MMADHC: variants seen among roughly 807,000 people sequenced by gnomAD.
MMADHC encodes metabolism of cobalamin associated D.
A neutral mutation model predicts 36.3 loss-of-function variants in MMADHC; 23 were observed. The ratio of observed to expected loss-of-function variants is 0.63; its 90% CI spans 0.46 to 0.90. MMADHC has a LOEUF of 0.90. MMADHC is among the 40% of genes least tolerant of loss of function. MMADHC has a pLI of 0.00. For missense variants in MMADHC, 330 were observed against 348.0 expected (o/e 0.95, Z 0.41); for synonymous variants, 97 against 116.1 (o/e 0.84, Z 1.06).
chr2:149,586,003 T>C, intron 2 of MMADHC, among the ~76,000 whole-genome samples: 1 of 152,242 alleles, frequency 6.6e-6, no homozygotes, highest in Non-Finnish European at 1.5e-5. Context: ...ATACTTCTTT[T>C]ACAGCATTCT....
intron 4 of MMADHC, among the ~76,000 whole-genome samples, 160 bp from the exon 5 acceptor site, chr2:149,576,702 A>G (rs1682724220): frequency 6.6e-6 from 1 of 152,238 alleles, no homozygotes; most frequent in Non-Finnish European, 1.5e-5. Flanking sequence ...TCATTTACTC[A>G]AACTTTTCTC....
intron 6 of MMADHC, among the ~76,000 whole-genome samples, chr2:149,574,958 C>A (rs1682692269): frequency 6.6e-6 from 1 of 152,088 alleles, no homozygotes; most frequent in Non-Finnish European, 1.5e-5. Flanking sequence ...CACCACTAAA[C>A]CTGGATAATT....
intron 7 of MMADHC, among the ~76,000 whole-genome samples, 173 bp from the exon 8 acceptor site, chr2:149,570,341 T>C (rs750855406): frequency 6.6e-6 from 1 of 152,228 alleles, no homozygotes; most frequent in Non-Finnish European, 1.5e-5. Flanking sequence ...CTCCAATTCC[T>C]ATGCATTCTG....
At chr2:149,580,544 TACTC>T (rs982587706) in intron 3 of MMADHC, among the ~76,000 whole-genome samples, 4 of 152,174 alleles carry the variant, frequency 2.6e-5, no homozygotes, top group Non-Finnish European at 5.9e-5. Flanking sequence ...AACTAATAAT[TACTC>T]AGAGTAGAGA....
intron 3 of MMADHC, among the ~76,000 whole-genome samples, chr2:149,581,117 T>C (rs955285818): frequency 3.9e-5 from 6 of 152,184 alleles, no homozygotes; most frequent in Non-Finnish European, 5.9e-5. Context: ...ATTTGGGCAG[T>C]GGATTTGACC....
At chr2:149,572,200 G>A (rs757694327) in intron 6 of MMADHC, 2 of 426,958 alleles carry the variant, frequency 4.7e-6, no homozygotes, top group Admixed American at 2.7e-5. Context: ...AAGAGATCAT[G>A]AATGTTTAAA....
In MMADHC at chr2:149,584,550, A is replaced by C. The variant is rs1375433747; in HGVS notation, c.10-2279T>G. ...TTAGCCTGTCTATCAAGGCCATTAGATTATATTTTGACATTCTTTTCTTGG... is the reference window on the plus strand; with the variant it reads ...TTAGCCTGTCTATCAAGGCCATTAGCTTATATTTTGACATTCTTTTCTTGG... On this transcript the variant is annotated intron_variant, in intron 2 of 7. Coordinates refer to ENST00000303319, the MANE Select transcript of MMADHC (RefSeq NM_015702.3). Among the ~76,000 whole-genome samples the C allele has an allele frequency of 2.0e-5, 3 of 152,206 alleles. 1 individual carries two copies. The highest frequency in any genetic ancestry group is 6.3e-3 in the Middle Eastern group (2 of 316).
intron 1 of MMADHC, 161 bp from the exon 2 acceptor site, chr2:149,587,310 G>A (rs1315619590): frequency 3.3e-6 from 2 of 611,582 alleles, no homozygotes; most frequent in Non-Finnish European, 5.8e-6. Context: ...CCCCATGCCA[G>A]GCACAGATCC....
chr2:149,571,045 C>G (rs1682630813), intron 7 of MMADHC, 40 bp downstream of exon 7: 1 of 1,400,304 alleles, frequency 7.1e-7, no homozygotes. Context: ...AAAATCATCT[C>G]TACTTCATAT....
At chr2:149,573,255 A>AAC (rs1439248169) in intron 6 of MMADHC, among the ~76,000 whole-genome samples, 4 of 152,178 alleles carry the variant, frequency 2.6e-5, no homozygotes, top group African/African-American at 9.7e-5. Context: ...CAAACAAACA[A>AAC]ACAAACAAAC....
rs760971849 is a variant in MMADHC at position 149,576,542 on chromosome 2, C to T, written c.373G>A (p.Gly125Ser). 1 of 1,601,822 alleles carries T rather than the reference C, an allele frequency of 6.2e-7. No homozygotes were observed. Among genetic ancestry groups the T allele is most frequent in the Non-Finnish European group, 8.6e-7 (1 of 1,169,006 alleles). ...TCTTGTTCAACAGGTGCATCATTAC[C>T]CTAAGGGGAACAAGGATATAAGTCA... ...VMAQYVNEFQ[G>S]NDAPVEQEIN... is the part of the protein sequence containing the mutation. Residue 125 changes from glycine (G) to serine (S), a missense_variant and splice_region_variant, in exon 5 of 8, where the codon GGT becomes AGT. By Grantham distance (56) the Gly-to-Ser change is moderately conservative. Transcript: ENST00000303319.
At chr2:149,573,796 TA>T (rs1682677565) in intron 6 of MMADHC, among the ~76,000 whole-genome samples, 1 of 152,098 alleles carries the variant, frequency 6.6e-6, no homozygotes, top group African/African-American at 2.4e-5. Context: ...GTGTCATACA[TA>T]AACACTACAA....
In MMADHC at chr2:149,576,454, G is replaced by C. The variant is rs1226772166; in HGVS notation, c.461C>G (p.Pro154Arg). Reference protein sequence around the residue: ...ARVECAIQTCPELLRKDFESL... With the variant: ...ARVECAIQTCRELLRKDFESL... ...TGACATACCTTTTCGCAGCAATTCT[G>C]GACATGTCTGTATTGCACACTCTAC... is the stretch of plus-strand genomic sequence containing the variant. The change falls in exon 5 of 8, where the codon CCA becomes CGA. Residue 154 changes from proline (P) to arginine (R), a missense_variant. By Grantham distance (103) the Pro-to-Arg change is moderately radical. Coordinates refer to ENST00000303319, the MANE Select transcript of MMADHC (RefSeq NM_015702.3). The C allele has an allele frequency of 1.9e-6, 3 of 1,609,914 alleles. No homozygotes were observed. In the Admixed American group the frequency reaches 5.0e-5, roughly 27 times the overall value.
intron 7 of MMADHC, among the ~76,000 whole-genome samples, chr2:149,570,808 C>T (rs1050952165): frequency 6.6e-6 from 1 of 152,036 alleles, no homozygotes; most frequent in Non-Finnish European, 1.5e-5. Context: ...AAAATAAACA[C>T]ACTAATTCAA....
chr2:149,572,466 C>G, intron 6 of MMADHC: 1 of 198,568 alleles, frequency 5.0e-6, no homozygotes, highest in Middle Eastern at 4.8e-4. Flanking sequence ...GGACCCTGAA[C>G]AACAGGTGAG....
At chr2:149,572,191 A>T (rs1317424931) in intron 6 of MMADHC, 1 of 424,340 alleles carries the variant, frequency 2.4e-6, no homozygotes, top group Admixed American at 2.8e-5. Context: ...GAAATAAAGA[A>T]GAGATCATGA....
chr2:149,579,155 G>A (rs1682758427), intron 4 of MMADHC, among the ~76,000 whole-genome samples: 1 of 151,554 alleles, frequency 6.6e-6, no homozygotes, highest in Admixed American at 6.6e-5. Flanking sequence ...GTCTACAGAT[G>A]TAATTACATT....
intron 3 of MMADHC, among the ~76,000 whole-genome samples, chr2:149,580,710 C>T (rs1682782180): frequency 6.6e-6 from 1 of 152,176 alleles, no homozygotes; most frequent in Admixed American, 6.5e-5. Flanking sequence ...CACCATATCC[C>T]TCTTCCACAC....
At chr2:149,573,227 C>T (rs1375712947) in intron 6 of MMADHC, among the ~76,000 whole-genome samples, 1 of 152,048 alleles carries the variant, frequency 6.6e-6, no homozygotes, top group Non-Finnish European at 1.5e-5. Flanking sequence ...GAACTGAATT[C>T]TGAAACAGAC....
Sources: allele counts gnomAD v4.1 joint callset (sites outside exome capture counted in the v4.1 genomes callset), GRCh38; gene constraint gnomAD v4.1.1; transcripts MANE v1.5; gene names NCBI Gene and HGNC (gene_info 2026-07-23, HGNC 2026-07-21).